Variants in IP6K3 observed in about 807,000 individuals in gnomAD.
IP6K3 encodes inositol hexakisphosphate kinase 3.
IP6K3 carries 20 observed loss-of-function variants against 28.8 expected under a neutral mutation model. The observed-to-expected ratio is 0.70, with a 90% confidence interval of 0.49 to 1.01. The LOEUF (loss-of-function observed/expected upper bound fraction) is 1.01. Among genes scored for constraint, IP6K3 ranks in the 50% least tolerant of loss-of-function variants. The pLI, the probability that IP6K3 is intolerant of heterozygous loss-of-function variation, is 0.00. For missense variants in IP6K3, 480 were observed against 537.1 expected (o/e 0.89, Z 1.05); for synonymous variants, 213 against 221.3 (o/e 0.96, Z 0.33).
chr6:33,758,054 G>C, the IP6K3 span, among the ~76,000 whole-genome samples: 7 of 152,204 alleles, frequency 4.6e-5, no homozygotes, highest in Non-Finnish European at 7.3e-5. Flanking sequence ...TGGTGGAGGC[G>C]AGTCGCAGGG....
rs537515007 is a variant in IP6K3 at position 33,721,684 on chromosome 6, T to G, written c.*1036A>C. ...TAATCACTGGTGACCTCAGCAATTT[T>G]ATTAACAAATTTATTTCCCTAATTG... On this transcript the variant is annotated 3_prime_UTR_variant, in exon 6 of 6. Coordinates refer to ENST00000293756, the MANE Select transcript of IP6K3 (RefSeq NM_054111.5). The G allele has an allele frequency of 1.3e-5, 2 of 152,782 alleles. No homozygotes were observed. The highest frequency in any genetic ancestry group is 2.1e-4 in the South Asian group (1 of 4,830). 9.5% of individuals were successfully genotyped at this position (152,782 alleles called of 1,614,324 possible).
chr6:33,724,082 C>T (rs1766011611), intron 5 of IP6K3, among the ~76,000 whole-genome samples: 2 of 152,178 alleles, frequency 1.3e-5, no homozygotes, highest in Non-Finnish European at 2.9e-5. Flanking sequence ...TTCCTGCCTT[C>T]AGATTACATG....
chr6:33,724,829 C>T (rs146848955), intron 5 of IP6K3, among the ~76,000 whole-genome samples: 8 of 152,324 alleles, frequency 5.3e-5, no homozygotes, highest in Non-Finnish European at 1.2e-4. Context: ...CAAAGGTCTG[C>T]TCACAACATG....
Position 33,725,576 on chromosome 6 carries a change from A to T in IP6K3, c.630T>A (p.His210Gln), listed in dbSNP as rs139534699. Residue 210 changes from histidine to glutamine, a missense_variant, in exon 5 of 6, where the codon CAT becomes CAA. His to Gln is a conservative substitution (Grantham distance 24). Coordinates refer to ENST00000293756, the MANE Select transcript of IP6K3 (RefSeq NM_054111.5). ...LLENVVSQYT[H>Q]PCVLDLKMGT... ...CCATCTTCAGATCCAGGACACAGGG[A>T]TGCGTGTACTGTGACACTACATTTT... 162 of 1,614,068 alleles carry T rather than the reference A, an allele frequency of 1.0e-4. No individual in the cohort carries two copies. Among genetic ancestry groups the T allele is most frequent in the Non-Finnish European group, 1.2e-4 (138 of 1,180,028 alleles).
At chr6:33,751,560 C>CCACCCTA (rs559437604), upstream of IP6K3, among the ~76,000 whole-genome samples, 1,304 of 150,578 alleles carry the variant, frequency 8.7e-3, 30 homozygotes, top group African/African-American at 0.028. The surrounding 1 kb of genome is among the most constrained non-coding windows in gnomAD (Gnocchi z 4.3). Flanking sequence ...GCCACCATGC[C>CCACCCTA]CACCCTATGG....
At chr6:33,743,268 G>T (rs184481706) in intron 1 of IP6K3, among the ~76,000 whole-genome samples, 2 of 152,318 alleles carry the variant, frequency 1.3e-5, no homozygotes, top group East Asian at 3.9e-4. Context: ...GAAACAGCTT[G>T]TAGCAAAAGA....
chr6:33,759,988 G>A, the IP6K3 span, among the ~76,000 whole-genome samples: 1 of 152,228 alleles, frequency 6.6e-6, no homozygotes, highest in South Asian at 2.1e-4. Context: ...CAGTGCAGGT[G>A]GATCAGCACA....
chr6:33,729,756 C>T (rs1317878558), intron 2 of IP6K3, among the ~76,000 whole-genome samples: 1 of 151,894 alleles, frequency 6.6e-6, no homozygotes, highest in East Asian at 1.9e-4. Flanking sequence ...CTCTGTTGCC[C>T]AGGCTGGAGT....
At chr6:33,738,068 A>G (rs184287984) in intron 1 of IP6K3, among the ~76,000 whole-genome samples, 153 of 152,400 alleles carry the variant, frequency 1.0e-3, no homozygotes, top group African/African-American at 3.4e-3. Context: ...GAAGGCAAGA[A>G]GGAGTAGAGC....
chr6:33,731,095 G>A (rs939898422), intron 2 of IP6K3, among the ~76,000 whole-genome samples: 1 of 152,186 alleles, frequency 6.6e-6, no homozygotes, highest in Non-Finnish European at 1.5e-5. Flanking sequence ...ACCAATGACT[G>A]TCCCAAGCCC....
intron 4 of IP6K3, 43 bp downstream of exon 4, chr6:33,726,688 G>T: frequency 6.6e-7 from 1 of 1,513,314 alleles, no homozygotes; most frequent in Non-Finnish European, 9.0e-7. Flanking sequence ...TCTCTCTGTC[G>T]CCCCGCCCTT....
In IP6K3 at chr6:33,724,329, G is replaced by A. The variant is rs577760691; in HGVS notation, c.765+1112C>T. Among the ~76,000 whole-genome samples the A allele has an allele frequency of 2.6e-4, 40 of 152,302 alleles. No homozygotes were observed. In the South Asian group the frequency reaches 6.9e-3, roughly 26 times the overall value. On this transcript the variant is annotated intron_variant, in intron 5 of 5. Coordinates refer to ENST00000293756, the MANE Select transcript of IP6K3 (RefSeq NM_054111.5). Reference sequence around the variant, plus strand: ...GGACTACATTCCCGGCTTTCCAAAGGACATCTGTGCAACAAATTTATAGAC... The same window carrying A: ...GGACTACATTCCCGGCTTTCCAAAGAACATCTGTGCAACAAATTTATAGAC...
chr6:33,735,329 A>G lies in IP6K3; in HGVS notation c.148T>C (p.Phe50Leu). 2 of 1,609,086 alleles carry G rather than the reference A, an allele frequency of 1.2e-6. No homozygotes were observed. The highest frequency in any genetic ancestry group is 1.7e-6 in the Non-Finnish European group (2 of 1,177,792). The change falls in exon 2 of 6, where the codon TTC (phenylalanine) becomes CTC (leucine). Residue 50 changes from phenylalanine (F) to leucine (L), a missense_variant. Phe to Leu is a conservative substitution (Grantham distance 22). Coordinates refer to ENST00000293756, the MANE Select transcript of IP6K3 (RefSeq NM_054111.5). ...ATGGCCAGCGGCAGGGATTCATAGA[A>G]CCTCTGCTCCCGGGAGACGAGGGGC... is the stretch of plus-strand genomic sequence containing the variant. ...CKPLVSREQRFYESLPLAMKR... is the reference protein window; with the variant it reads ...CKPLVSREQRLYESLPLAMKR...
chr6:33,732,894 C>T (rs2127356354), intron 2 of IP6K3, among the ~76,000 whole-genome samples: 1 of 152,372 alleles, frequency 6.6e-6, no homozygotes, highest in African/African-American at 2.4e-5. Flanking sequence ...TGTCCTCCTT[C>T]CCCTACCCCA....
At chr6:33,740,144 A>G (rs1044933805) in intron 1 of IP6K3, among the ~76,000 whole-genome samples, 1 of 152,088 alleles carries the variant, frequency 6.6e-6, no homozygotes, top group Non-Finnish European at 1.5e-5. Context: ...CCACATCCCT[A>G]CAGCTCAGAC....
At chr6:33,726,044 T>C (rs1416134871) in intron 4 of IP6K3, among the ~76,000 whole-genome samples, 2 of 152,202 alleles carry the variant, frequency 1.3e-5, no homozygotes, top group Non-Finnish European at 2.9e-5. Flanking sequence ...GGAATATTAA[T>C]TTCAGTGGAG....
In IP6K3 at chr6:33,735,383, T is replaced by C. The variant is rs762700769; in HGVS notation, c.94A>G (p.Met32Val). Residue 32 changes from methionine to valine, a missense_variant, in exon 2 of 6, where the codon ATG (methionine) becomes GTG (valine). Met to Val is a conservative substitution (Grantham distance 21). Coordinates refer to ENST00000293756, the MANE Select transcript of IP6K3 (RefSeq NM_054111.5). ...LHQVGGHMSV[M>V]KYDEHTVCKP... Reference sequence around the variant, plus strand: ...CACACCGTATGCTCGTCATACTTCATCACGCTCATGTGCCCCCCGACCTGG... The same window carrying C: ...CACACCGTATGCTCGTCATACTTCACCACGCTCATGTGCCCCCCGACCTGG... 2.5e-6 allele frequency: 4 copies of C among 1,606,492 alleles called. No individual in the cohort carries two copies. The African/African-American group carries it at 4.0e-5, about 16-fold the overall frequency.
At chr6:33,727,047 G>C (rs1030601858) in intron 3 of IP6K3, 141 bp from the exon 4 acceptor site, 63 of 806,910 alleles carry the variant, frequency 7.8e-5, no homozygotes, top group Non-Finnish European at 1.1e-4. Context: ...CCAGGCTGGG[G>C]CACCCTCCCT....
chr6:33,745,156 C>G (rs1192310245), intron 1 of IP6K3, among the ~76,000 whole-genome samples: 1 of 152,258 alleles, frequency 6.6e-6, no homozygotes, highest in Admixed American at 6.5e-5. Context: ...CCTGAAGGAC[C>G]TGATGCTCAT....
Sources: gnomAD v4.1 joint callset for allele counts (sites outside exome capture counted in the v4.1 genomes callset) on GRCh38, gnomAD v4.1.1 for gene constraint, Gnocchi (gnomAD v3.1) non-coding constraint, MANE v1.5 for transcripts, NCBI Gene and HGNC (gene_info 2026-07-23, HGNC 2026-07-21) for gene names.